Variants in LMO7 observed in about 807,000 individuals in gnomAD.
LMO7 encodes LIM domain only protein 7.
LMO7 carries 120 observed loss-of-function variants against 206.5 expected under a neutral mutation model. That is an observed-to-expected ratio of 0.58 (90% CI 0.50 to 0.68). The LOEUF is 0.68. LMO7 is among the 30% of genes least tolerant of loss of function. The pLI, the probability that LMO7 is intolerant of heterozygous loss-of-function variation, is 0.00. For missense variants in LMO7, 1,959 were observed against 1,957.9 expected (o/e 1.00, Z -0.01); for synonymous variants, 706 against 681.5 (o/e 1.04, Z -0.56).
At chr13:75,686,765 A>G (rs1408289663) in intron 1 of LMO7, among the ~76,000 whole-genome samples, 1 of 152,094 alleles carries the variant, frequency 6.6e-6, no homozygotes, top group East Asian at 1.9e-4. Context: ...AACAGAGTAT[A>G]TAGGGTGCAT....
intron 2 of LMO7, among the ~76,000 whole-genome samples, chr13:75,719,259 C>T (rs1339454196): frequency 8.7e-6 from 1 of 115,216 alleles, no homozygotes; most frequent in Admixed American, 7.7e-5. Context: ...GGATTATAGG[C>T]GTGAGCCACT....
At chr13:75,758,444 G>T (rs2047868986) in intron 3 of LMO7, among the ~76,000 whole-genome samples, 1 of 152,172 alleles carries the variant, frequency 6.6e-6, no homozygotes, top group African/African-American at 2.4e-5. Flanking sequence ...ACCTCGTCCT[G>T]CTGCATAGGC....
chr13:75,723,958 T>C (rs2044245591), intron 2 of LMO7, among the ~76,000 whole-genome samples: 1 of 152,110 alleles, frequency 6.6e-6, no homozygotes, highest in Non-Finnish European at 1.5e-5. Flanking sequence ...ATAGACAGAC[T>C]TCTCACTGCA....
intron 29 of LMO7, 67 bp downstream of exon 29, chr13:75,855,435 G>A (rs2060849278): frequency 1.0e-6 from 1 of 962,698 alleles, no homozygotes; most frequent in African/African-American, 1.6e-5. Context: ...GCTGCTTTGA[G>A]CCGCTGGGTG....
chr13:75,718,633 T>C (rs1018739157), intron 2 of LMO7, among the ~76,000 whole-genome samples: 2 of 152,126 alleles, frequency 1.3e-5, no homozygotes, highest in African/African-American at 4.8e-5. Flanking sequence ...TGGACCTACA[T>C]TGACACATCA....
intron 15 of LMO7, among the ~76,000 whole-genome samples, chr13:75,831,625 TG>T (rs1043962581): frequency 1.3e-5 from 2 of 152,096 alleles, no homozygotes; most frequent in Admixed American, 1.3e-4. Context: ...TGTCACAACA[TG>T]GTGGAAAAGC....
At chr13:75,804,178 A>G in intron 7 of LMO7, 111 bp from the exon 8 acceptor site, 1 of 1,047,620 alleles carries the variant, frequency 9.5e-7, no homozygotes, top group Admixed American at 2.2e-5. Flanking sequence ...CCCTGCAGTT[A>G]GCAGTGGCAG....
chr13:75,728,674 T>G (rs867971026), intron 3 of LMO7, among the ~76,000 whole-genome samples: 18 of 138,036 alleles, frequency 1.3e-4, no homozygotes, highest in Admixed American at 3.5e-4. Context: ...CATTGCTTTT[T>G]GTGTTTTAGA....
chr13:75,713,278 TA>T, intron 2 of LMO7, 26 bp downstream of exon 2: 1 of 1,555,180 alleles, frequency 6.4e-7, no homozygotes, highest in Non-Finnish European at 8.8e-7. Context: ...ATTTAAAAAA[TA>T]ATTCAAAAGC....
At chr13:75,825,623 A>C (rs910242737) in intron 15 of LMO7, among the ~76,000 whole-genome samples, 3 of 152,138 alleles carry the variant, frequency 2.0e-5, no homozygotes, top group African/African-American at 7.2e-5. Flanking sequence ...GAATTCTTTA[A>C]TGTGGATATA....
chr13:75,723,361 T>C (rs1295155532), intron 2 of LMO7, among the ~76,000 whole-genome samples: 1 of 151,378 alleles, frequency 6.6e-6, no homozygotes, highest in Non-Finnish European at 1.5e-5. Context: ...TGTGAATGAC[T>C]AATAAATCAC....
chr13:75,694,894 C>T (rs552813823), intron 1 of LMO7, among the ~76,000 whole-genome samples: 94 of 152,196 alleles, frequency 6.2e-4, no homozygotes, highest in African/African-American at 2.1e-3. Context: ...AGCACCTAGC[C>T]GGTGAGCTCA....
chr13:75,785,356 C>CT (rs1227570958), intron 4 of LMO7, among the ~76,000 whole-genome samples: 1 of 152,030 alleles, frequency 6.6e-6, no homozygotes, highest in African/African-American at 2.4e-5. Flanking sequence ...GTTTCTTAAG[C>CT]TTTTGGAGTT....
chr13:75,627,196 G>A (rs1029894937), intron 2 of LMO7: 6 of 152,010 alleles, frequency 3.9e-5, no homozygotes, highest in East Asian at 3.9e-4. Context: ...AGCCAAAACC[G>A]TACTTAAGAG....
intron 3 of LMO7, among the ~76,000 whole-genome samples, chr13:75,747,253 C>T (rs1486030808): frequency 2.0e-5 from 3 of 152,104 alleles, no homozygotes; most frequent in Non-Finnish European, 2.9e-5. Context: ...CTGATACCAT[C>T]ATAGGGTTTA....
intron 4 of LMO7, among the ~76,000 whole-genome samples, chr13:75,766,237 CTTTTT>C (rs10604656): frequency 6.3e-5 from 8 of 126,086 alleles, no homozygotes; most frequent in Admixed American, 8.0e-5. Context: ...TTCCCTCAGT[CTTTTT>C]TTTTTTTTTT....
chr13:75,857,947 A>T lies in LMO7; in HGVS notation c.*4A>T. On this transcript the variant is annotated 3_prime_UTR_variant, in exon 31 of 31. Coordinates refer to ENST00000377534, the MANE Select transcript of LMO7 (RefSeq NM_001306080.2). Reference sequence around the variant, plus strand: ...TGGACGGCCAACCGCCATGTGATGTAAGCCTCCATACGAAAGCACTGTTGC... The same window carrying T: ...TGGACGGCCAACCGCCATGTGATGTTAGCCTCCATACGAAAGCACTGTTGC... 3.1e-6 allele frequency: 5 copies of T among 1,608,416 alleles called. No homozygotes were observed. The highest frequency in any genetic ancestry group is 1.3e-5 in the African/African-American group (1 of 74,618).
intron 4 of LMO7, among the ~76,000 whole-genome samples, chr13:75,776,356 G>A (rs2050499627): frequency 6.6e-6 from 1 of 150,984 alleles, no homozygotes; most frequent in Admixed American, 6.6e-5. Context: ...GCCTCCAGGT[G>A]CATTGTTCAT....
chr13:75,856,857 G>T, intron 30 of LMO7: 1 of 349,822 alleles, frequency 2.9e-6, no homozygotes, highest in Non-Finnish European at 5.3e-6. Flanking sequence ...AGTCAGGATG[G>T]TGTCTTGTGT....
Sources: allele counts gnomAD v4.1 joint callset (sites outside exome capture counted in the v4.1 genomes callset), GRCh38; gene constraint gnomAD v4.1.1; transcripts MANE v1.5; gene names NCBI Gene and HGNC (gene_info 2026-07-23, HGNC 2026-07-21).